The following STAT3 variants were observed in gnomAD, a reference collection of about 807,000 sequenced individuals.
The protein encoded by STAT3 is signal transducer and activator of transcription 3.
A neutral mutation model predicts 114.3 loss-of-function variants in STAT3; 7 were observed. That is an observed-to-expected ratio of 0.06 (90% CI 0.03 to 0.11). STAT3 has a LOEUF of 0.11. STAT3 is among the 10% of genes least tolerant of loss of function. STAT3 has a pLI of 1.00. For synonymous variants in STAT3, 331 were observed against 354.5 expected, an observed-to-expected ratio of 0.93 and a Z score of 0.74; for missense variants, 364 against 960.9, an observed-to-expected ratio of 0.38 and a Z score of 8.21.
rs774279920 is a variant in STAT3 at position 42,316,884 on chromosome 17, G to A, written c.2162C>T (p.Thr721Ile). 1.2e-6 allele frequency: 2 copies of A among 1,612,508 alleles called. No individual in the cohort carries two copies. Among genetic ancestry groups the A allele is most frequent in the Non-Finnish European group, 1.7e-6 (2 of 1,179,714 alleles). The change falls in exon 23 of 24, where the codon ACC becomes ATC. Residue 721 changes from threonine to isoleucine, a missense_variant. By Grantham distance (89) the Thr-to-Ile change is moderately conservative. Coordinates refer to ENST00000264657, the MANE Select transcript of STAT3 (RefSeq NM_139276.3). ...ICVTPTTCSN[T>I]IDLPMSPRTL... ...GCGGGGGGACATCGGCAGGTCAATG[G>A]TATTGCTGCAGGTCGTTCTGTAGGA...
chr17:42,336,335 A>C (rs571894877), intron 8 of STAT3, among the ~76,000 whole-genome samples: 1 of 152,198 alleles, frequency 6.6e-6, no homozygotes, highest in Non-Finnish European at 1.5e-5. Flanking sequence ...GGCAGCTCAC[A>C]TCTATAATTC....
At chr17:42,366,290 T>TA (rs1452212490) in intron 1 of STAT3, among the ~76,000 whole-genome samples, 1 of 152,130 alleles carries the variant, frequency 6.6e-6, no homozygotes, top group Non-Finnish European at 1.5e-5. Flanking sequence ...AAATGAGCCT[T>TA]AACTTCAACT....
At chr17:42,345,875 CTTT>C (rs370434509) in intron 3 of STAT3, among the ~76,000 whole-genome samples, 1 of 132,952 alleles carries the variant, frequency 7.5e-6, no homozygotes, top group Non-Finnish European at 1.6e-5. Context: ...TAGCCTGAGT[CTTT>C]TTTTTTTTTT....
rs1218937127 is a variant in STAT3, at chr17:42,364,030, C to T, written c.-23-15491G>A. On this transcript the variant is annotated intron_variant, in intron 1 of 23. Coordinates refer to ENST00000264657, the MANE Select transcript of STAT3 (RefSeq NM_139276.3). ...GATTCTACCTCCTTCACTTGAGGAG[C>T]AGCTCTCTGCTGGCAACCACGTACC... 2.6e-5 allele frequency among the ~76,000 whole-genome samples: 4 copies of T among 152,080 alleles called. 1 individual carries two copies. The South Asian group carries it at 8.3e-4, about 32-fold the overall frequency.
At chr17:42,332,282 G>T (rs1420957438) in intron 10 of STAT3, among the ~76,000 whole-genome samples, 1 of 147,566 alleles carries the variant, frequency 6.8e-6, no homozygotes, top group Non-Finnish European at 1.5e-5. Context: ...ACTCACACCT[G>T]TAATCCCAGC....
At chr17:42,369,925 T>C (rs1598499060) in intron 1 of STAT3, among the ~76,000 whole-genome samples, 1 of 151,594 alleles carries the variant, frequency 6.6e-6, no homozygotes, top group African/African-American at 2.4e-5. Flanking sequence ...TCCCAAAACA[T>C]TGGGATTATA....
At chr17:42,326,087 C>T (rs781664043) in intron 15 of STAT3, 29 bp downstream of exon 15, 39 of 1,605,032 alleles carry the variant, frequency 2.4e-5, no homozygotes, top group Non-Finnish European at 3.2e-5. Context: ...CTGTACGTAG[C>T]CTCTCACCGA....
Position 42,334,439 on chromosome 17 carries a change from C to T in STAT3, c.798-390G>A, listed in dbSNP as rs1488281888. On this transcript the variant is annotated intron_variant, in intron 8 of 23. Coordinates refer to ENST00000264657, the MANE Select transcript of STAT3 (RefSeq NM_139276.3). Reference sequence around the variant, plus strand: ...ACAGGTGTAAGCCACTGCGCCTGGCCTTTTTTTTTTTTTTTTTTTTTTTGA... The same window carrying T: ...ACAGGTGTAAGCCACTGCGCCTGGCTTTTTTTTTTTTTTTTTTTTTTTTGA... Among the ~76,000 whole-genome samples, 392 of 70,218 alleles carry T rather than the reference C, an allele frequency of 5.6e-3. 8 individuals are homozygous for T. Among genetic ancestry groups the T allele is most frequent in the African/African-American group, 0.018 (370 of 20,732 alleles). The allele number at this position is 70,218 out of a possible 152,430, so 46.1% of individuals were successfully genotyped here. A position where few individuals can be genotyped will look rare whatever the true frequency, so the allele number is the denominator to read the frequency against.
intron 14 of STAT3, among the ~76,000 whole-genome samples, chr17:42,327,690 C>T (rs573865070): frequency 6.6e-6 from 1 of 152,290 alleles, no homozygotes; most frequent in South Asian, 2.1e-4. Context: ...AAACTGACTA[C>T]AACAATGTCT....
chr17:42,382,001 G>A (rs1409464863), intron 1 of STAT3, among the ~76,000 whole-genome samples: 1 of 152,074 alleles, frequency 6.6e-6, no homozygotes, highest in Non-Finnish European at 1.5e-5. Flanking sequence ...TTTCCCCTTG[G>A]TTTAGTTCTC....
rs772586686 is a variant in STAT3 at position 42,337,860 on chromosome 17, G to T, written c.551-3C>A. The T allele has an allele frequency of 1.2e-6, 2 of 1,614,030 alleles. No homozygotes were observed. Among genetic ancestry groups the T allele is most frequent in the Non-Finnish European group, 1.7e-6 (2 of 1,179,998 alleles). ...GTTTCCATTCAGATCTTGCATGTCT[G>T]CGAAGGAAGAAAAAACTCCTTGACC... On this transcript the variant is annotated splice_polypyrimidine_tract_variant and splice_region_variant and intron_variant, in intron 6 of 23. Transcript: ENST00000264657. The surrounding 1 kb of genome is among the most constrained non-coding windows in gnomAD (Gnocchi z 4.0).
At chr17:42,367,419 C>T (rs1184930038) in intron 1 of STAT3, among the ~76,000 whole-genome samples, 6 of 152,040 alleles carry the variant, frequency 3.9e-5, no homozygotes, top group Admixed American at 6.6e-5. Flanking sequence ...AGTCCTACCA[C>T]GGCCCACCAG....
At chr17:42,372,907 A>T (rs1175541935) in intron 1 of STAT3, among the ~76,000 whole-genome samples, 1 of 152,182 alleles carries the variant, frequency 6.6e-6, no homozygotes, top group East Asian at 1.9e-4. Flanking sequence ...TTTGGTTAAT[A>T]ATAATGTATC....
At chr17:42,352,714 G>A (rs1258436009) in intron 1 of STAT3, among the ~76,000 whole-genome samples, 2 of 151,272 alleles carry the variant, frequency 1.3e-5, no homozygotes, top group East Asian at 1.9e-4. Context: ...CTTATGCTAT[G>A]CAAGAACTGA....
rs534882392 is a variant in STAT3, at chr17:42,355,668, T to C, written c.-23-7129A>G. ...TACCAACAGCAAGTCATAAAACAAA[T>C]AACTATTGTCTAATTGGGAACTTAT... On this transcript the variant is annotated intron_variant, in intron 1 of 23. Coordinates refer to ENST00000264657, the MANE Select transcript of STAT3 (RefSeq NM_139276.3). 2.6e-5 allele frequency among the ~76,000 whole-genome samples: 4 copies of C among 152,294 alleles called. No homozygotes were observed. In the South Asian group the frequency reaches 8.3e-4, roughly 32 times the overall value.
intron 4 of STAT3, among the ~76,000 whole-genome samples, chr17:42,344,616 G>A (rs1164466216): frequency 6.6e-6 from 1 of 151,726 alleles, no homozygotes; most frequent in Non-Finnish European, 1.5e-5. Context: ...CTAGTCGGGA[G>A]GCTGAGGCAA....
chr17:42,360,152 GTC>G (rs2083442719), intron 1 of STAT3, among the ~76,000 whole-genome samples: 1 of 151,008 alleles, frequency 6.6e-6, no homozygotes, highest in Non-Finnish European at 1.5e-5. Context: ...ATAACGCACA[GTC>G]TGTTTTCGGA....
chr17:42,329,315 T>A (rs1306619709), intron 14 of STAT3, 95 bp downstream of exon 14: 3 of 1,560,980 alleles, frequency 1.9e-6, no homozygotes, highest in Non-Finnish European at 2.6e-6. Context: ...AAAGAACAGG[T>A]TGATGTTTCT....
At chr17:42,355,418 G>C (rs2083181812) in intron 1 of STAT3, among the ~76,000 whole-genome samples, 1 of 152,116 alleles carries the variant, frequency 6.6e-6, no homozygotes, top group Non-Finnish European at 1.5e-5. Flanking sequence ...TAAGAGAGAA[G>C]ACAATTCATT....
Sources: allele counts gnomAD v4.1 joint callset (sites outside exome capture counted in the v4.1 genomes callset), GRCh38; gene constraint gnomAD v4.1.1; non-coding constraint Gnocchi (gnomAD v3.1); transcripts MANE v1.5; gene names NCBI Gene and HGNC (gene_info 2026-07-23, HGNC 2026-07-21).